Variants in MEIS2 observed in about 807,000 individuals in gnomAD.
MEIS2 encodes homeobox protein Meis2.
Under a neutral mutation model 58.6 loss-of-function variants are expected in MEIS2, and 9 were observed. That is an observed-to-expected ratio of 0.15 (90% CI 0.09 to 0.27). The LOEUF (loss-of-function observed/expected upper bound fraction) is 0.27. Ranked by LOEUF, MEIS2 falls within the 10% of genes least tolerant of loss-of-function variation. MEIS2 has a pLI of 1.00. For missense variants in MEIS2, 427 were observed against 635.0 expected, an observed-to-expected ratio of 0.67 and a Z score of 3.52; for synonymous variants, 221 against 228.4, an observed-to-expected ratio of 0.97 and a Z score of 0.29.
At chr15:36,936,353 G>A (rs559758725) in intron 9 of MEIS2, among the ~76,000 whole-genome samples, 286 of 152,086 alleles carry the variant, frequency 1.9e-3, no homozygotes, top group Non-Finnish European at 3.1e-3. Context: ...CTGTCACCAC[G>A]CCCAGCTAAT....
chr15:37,017,773 C>T (rs2061398685), intron 8 of MEIS2, among the ~76,000 whole-genome samples: 1 of 152,188 alleles, frequency 6.6e-6, no homozygotes. Context: ...TACAAGTCCT[C>T]TTTTTATTCC....
At chr15:37,096,123 C>A in intron 3 of MEIS2, 166 bp downstream of exon 3, 1 of 692,198 alleles carries the variant, frequency 1.4e-6, no homozygotes, top group Non-Finnish European at 2.3e-6. Flanking sequence ...ATCTCCACTT[C>A]CAATTCGCCC....
chr15:36,889,798 C>T lies in MEIS2; in HGVS notation c.*2375G>A, dbSNP rs952775126. ...TAAAAGTATTTAAAGTAAAAATAGG[C>T]AAATATTTAAAATTTACAAAAAGAC... On this transcript the variant is annotated 3_prime_UTR_variant, in exon 12 of 12. Coordinates refer to ENST00000561208, the MANE Select transcript of MEIS2 (RefSeq NM_170675.5). 2.0e-5 allele frequency: 3 copies of T among 151,886 alleles called. No homozygotes were observed. Among genetic ancestry groups the T allele is most frequent in the African/African-American group, 7.3e-5 (3 of 41,346 alleles). The allele number at this position is 151,886 out of a possible 1,614,324, so 9.4% of individuals were successfully genotyped here. A position where few individuals can be genotyped will look rare whatever the true frequency, so the allele number is the denominator to read the frequency against.
intron 6 of MEIS2, among the ~76,000 whole-genome samples, chr15:37,086,228 C>T (rs1216950901): frequency 1.3e-5 from 2 of 152,142 alleles, no homozygotes; most frequent in African/African-American, 2.4e-5. Flanking sequence ...ATTATATAAT[C>T]GTTTATATGA....
chr15:37,029,608 T>G (rs1346589063), intron 8 of MEIS2, among the ~76,000 whole-genome samples: 2 of 152,094 alleles, frequency 1.3e-5, no homozygotes, highest in Non-Finnish European at 2.9e-5. Context: ...TCTCTAACCC[T>G]TGGTGATACA....
At chr15:36,976,192 C>A (rs938748099) in intron 8 of MEIS2, among the ~76,000 whole-genome samples, 2 of 152,148 alleles carry the variant, frequency 1.3e-5, no homozygotes, top group East Asian at 1.9e-4. Context: ...TCAAGCAACT[C>A]TCCTGCCTCA....
At chr15:36,999,684 A>G (rs2060652482) in intron 8 of MEIS2, among the ~76,000 whole-genome samples, 1 of 152,248 alleles carries the variant, frequency 6.6e-6, no homozygotes. Flanking sequence ...TTCCGAAGGC[A>G]AACACCTACA....
At chr15:36,996,034 C>CATATATATATGT (rs2060507727) in intron 8 of MEIS2, among the ~76,000 whole-genome samples, 1 of 130,138 alleles carries the variant, frequency 7.7e-6, no homozygotes, top group Non-Finnish European at 1.6e-5. Flanking sequence ...TATATATATA[C>CATATATATATGT]ACACACACAC....
chr15:36,926,273 C>A (rs1048954924), intron 9 of MEIS2, among the ~76,000 whole-genome samples: 1 of 151,762 alleles, frequency 6.6e-6, no homozygotes, highest in African/African-American at 2.4e-5. Flanking sequence ...TAAGTCAGAG[C>A]CAGGGTCGTT....
intron 7 of MEIS2, among the ~76,000 whole-genome samples, chr15:37,041,557 C>T (rs948640886): frequency 1.3e-5 from 2 of 152,174 alleles, no homozygotes; most frequent in East Asian, 3.9e-4. Context: ...CATACACCTA[C>T]TTAAAAGAGC....
At chr15:36,939,498 A>G (rs1021487189) in intron 9 of MEIS2, among the ~76,000 whole-genome samples, 12 of 151,732 alleles carry the variant, frequency 7.9e-5, no homozygotes, top group African/African-American at 2.7e-4. Flanking sequence ...AAGTGTTGCT[A>G]TTGGGCTATG....
chr15:36,941,293 C>T (rs142438512), intron 9 of MEIS2, among the ~76,000 whole-genome samples: 100 of 152,320 alleles, frequency 6.6e-4, no homozygotes, highest in African/African-American at 2.2e-3. Flanking sequence ...ATTTCTACAA[C>T]CTTTATGAAA....
chr15:36,959,042 A>G (rs1283570305), intron 8 of MEIS2, among the ~76,000 whole-genome samples: 1 of 152,198 alleles, frequency 6.6e-6, no homozygotes. Flanking sequence ...AGAGTTTTAG[A>G]CCTAGAGAGG....
chr15:36,977,459 G>T (rs550234229), intron 8 of MEIS2, among the ~76,000 whole-genome samples: 1 of 152,256 alleles, frequency 6.6e-6, no homozygotes, highest in Non-Finnish European at 1.5e-5. Flanking sequence ...TCAAGTTCAA[G>T]CTCCCAGTTG....
intron 9 of MEIS2, among the ~76,000 whole-genome samples, chr15:36,917,765 A>G (rs907467363): frequency 1.3e-5 from 2 of 152,250 alleles, no homozygotes; most frequent in Non-Finnish European, 2.9e-5. Flanking sequence ...GACAGAGGGA[A>G]GCAAGAGAAC....
chr15:36,915,199 A>G (rs909043233), intron 9 of MEIS2, among the ~76,000 whole-genome samples: 6 of 8,898 alleles, frequency 6.7e-4, no homozygotes, highest in East Asian at 6.4e-3. Context: ...AACTTCTGGG[A>G]AAAAAAAAAA....
Position 36,972,589 on chromosome 15 carries a change from G to A in MEIS2, c.901-22189C>T, listed in dbSNP as rs182057105. ...ACTATTTTTAAAAATTCATTTATGT[G>A]TCTTATGCCTTTTAAAATATTTTTT... On this transcript the variant is annotated intron_variant, in intron 8 of 11. Coordinates refer to ENST00000561208, the MANE Select transcript of MEIS2 (RefSeq NM_170675.5). Among the ~76,000 whole-genome samples the A allele has an allele frequency of 1.9e-3, 291 of 152,216 alleles. 2 individuals are homozygous for A. Among genetic ancestry groups the A allele is most frequent in the African/African-American group, 6.8e-3 (282 of 41,516 alleles).
In MEIS2 at chr15:36,950,332, T is replaced by C; in HGVS notation, c.969A>G (p.Val323=). ...AQDTGLTILQ[V]NNWFINARRR... ...ATTTTTGGGTCACTCACCAGTTGTT[T>C]ACTTGGAGAATTGTAAGTCCTGTGT... The change falls in exon 9 of 12, where the codon GTA becomes GTG. Residue 323 remains valine, a synonymous_variant. Transcript: ENST00000561208. 1 of 1,612,318 alleles carries C rather than the reference T, an allele frequency of 6.2e-7. No homozygotes were observed. The highest frequency in any genetic ancestry group is 8.5e-7 in the Non-Finnish European group (1 of 1,178,750).
At chr15:36,906,364 A>G (rs1033085528) in intron 9 of MEIS2, among the ~76,000 whole-genome samples, 8 of 152,114 alleles carry the variant, frequency 5.3e-5, no homozygotes, top group African/African-American at 1.7e-4. Flanking sequence ...AAACAAAACG[A>G]GCTCTGATTA....
Sources: allele counts gnomAD v4.1 joint callset (sites outside exome capture counted in the v4.1 genomes callset), GRCh38; gene constraint gnomAD v4.1.1; transcripts MANE v1.5; gene names NCBI Gene and HGNC (gene_info 2026-07-23, HGNC 2026-07-21).